FARS2: variants seen among roughly 807,000 people sequenced by gnomAD.
FARS2 encodes phenylalanine--tRNA ligase, mitochondrial.
In FARS2, 40 loss-of-function variants were observed where a neutral mutation model predicts 46.4. The ratio of observed to expected loss-of-function variants is 0.86; its 90% CI spans 0.67 to 1.12. The LOEUF (loss-of-function observed/expected upper bound fraction) is 1.12. Among genes scored for constraint, FARS2 ranks in the 50% most tolerant of loss-of-function variants. The probability of loss-of-function intolerance (pLI) is 0.00; values close to 1 mark genes in which losing one functional copy is unlikely to be tolerated. For synonymous variants in FARS2, 234 were observed against 214.9 expected (o/e 1.09, Z -0.78); for missense variants, 513 against 567.9 (o/e 0.90, Z 0.98).
At chr6:5,473,353 C>T (rs1184780141) in intron 4 of FARS2, among the ~76,000 whole-genome samples, 6 of 151,976 alleles carry the variant, frequency 3.9e-5, no homozygotes, top group Middle Eastern at 3.4e-3. Context: ...AGCGAAACCC[C>T]GTCTCTACTA....
chr6:5,751,807 C>T (rs1582880451), intron 6 of FARS2, among the ~76,000 whole-genome samples: 1 of 152,252 alleles, frequency 6.6e-6, no homozygotes, highest in South Asian at 2.1e-4. Context: ...AAAGGACTCT[C>T]AGTTTCTTCC....
chr6:5,596,966 C>T (rs1774236413), intron 5 of FARS2, among the ~76,000 whole-genome samples: 1 of 152,166 alleles, frequency 6.6e-6, no homozygotes, highest in African/African-American at 2.4e-5. Context: ...CTCGTGACAC[C>T]CTGTGGGATA....
At chr6:5,688,613 T>C (rs1294967918) in intron 6 of FARS2, among the ~76,000 whole-genome samples, 5 of 152,256 alleles carry the variant, frequency 3.3e-5, no homozygotes, top group South Asian at 2.1e-4. Context: ...CAGTATATTA[T>C]TGAGGATTTT....
At chr6:5,460,345 GCTTCCTGTGT>G (rs554245915) in intron 4 of FARS2, among the ~76,000 whole-genome samples, 245 of 152,312 alleles carry the variant, frequency 1.6e-3, no homozygotes, top group Middle Eastern at 3.4e-3. Context: ...TAGGTATACT[GCTTCCTGTGT>G]CTTCCTGTGT....
At chr6:5,262,426 G>A (rs1472540061) in intron 1 of FARS2, among the ~76,000 whole-genome samples, 1 of 151,976 alleles carries the variant, frequency 6.6e-6, no homozygotes, top group African/African-American at 2.4e-5. Context: ...TTACAGGCGC[G>A]CGCTACCTCG....
intron 1 of FARS2, among the ~76,000 whole-genome samples, chr6:5,296,393 G>T (rs540019593): frequency 2.0e-5 from 3 of 152,006 alleles, no homozygotes; most frequent in Non-Finnish European, 4.4e-5. Context: ...CGCCCGCCTT[G>T]GCCTCCCAAA....
chr6:5,307,959 C>T (rs1423628913), intron 1 of FARS2, among the ~76,000 whole-genome samples: 1 of 151,904 alleles, frequency 6.6e-6, no homozygotes, highest in Non-Finnish European at 1.5e-5. Flanking sequence ...TTGTTTTTGA[C>T]CTTACTACTG....
At position 5,385,637 on chromosome 6, in the gene FARS2, G is replaced by T. The variant is rs142157982; in HGVS notation, c.612+16455G>T. 2.8e-3 allele frequency among the ~76,000 whole-genome samples: 432 copies of T among 152,220 alleles called. 2 individuals are homozygous for T. Among genetic ancestry groups the T allele is most frequent in the Middle Eastern group, 0.014 (4 of 294 alleles). ...GACGGGGTTTCACCATGTTGGCCAG[G>T]ATGGTCTTGGTCTCTTGACCTCGTG... On this transcript the variant is annotated intron_variant, in intron 2 of 6. Transcript: ENST00000274680.
At chr6:5,292,527 A>G (rs1181377767) in intron 1 of FARS2, among the ~76,000 whole-genome samples, 3 of 152,142 alleles carry the variant, frequency 2.0e-5, no homozygotes, top group Non-Finnish European at 4.4e-5. Flanking sequence ...AATTGAAGAG[A>G]AGGAAGACTA....
intron 4 of FARS2, among the ~76,000 whole-genome samples, chr6:5,453,780 A>G (rs2503838): frequency 6.6e-6 from 1 of 152,008 alleles, no homozygotes; most frequent in African/African-American, 2.4e-5. Context: ...TTTTTGAAGG[A>G]GCTCACAGTG....
chr6:5,362,927 CT>C (rs55686418), intron 1 of FARS2, among the ~76,000 whole-genome samples: 1,532 of 124,154 alleles, frequency 0.012, 17 homozygotes, highest in African/African-American at 0.042. Flanking sequence ...TTCTTTCTTT[CT>C]TTTTTTTTTT....
intron 1 of FARS2, among the ~76,000 whole-genome samples, chr6:5,302,394 CAG>C (rs1768380572): frequency 6.6e-6 from 1 of 152,092 alleles, no homozygotes; most frequent in Non-Finnish European, 1.5e-5. Flanking sequence ...TCCCTTGTGT[CAG>C]AGAGTCGCAA....
chr6:5,524,703 T>G (rs1312335073), intron 4 of FARS2, among the ~76,000 whole-genome samples: 1 of 152,200 alleles, frequency 6.6e-6, no homozygotes, highest in Non-Finnish European at 1.5e-5. Flanking sequence ...GCTTTACACA[T>G]GGCGAAGTTG....
At chr6:5,717,929 T>TAGAGAG (rs372348270) in intron 6 of FARS2, among the ~76,000 whole-genome samples, 1 of 105,034 alleles carries the variant, frequency 9.5e-6, no homozygotes, top group Non-Finnish European at 1.8e-5. Flanking sequence ...TATATATATA[T>TAGAGAG]ATATATACAG....
chr6:5,465,653 A>G (rs1246897399), intron 4 of FARS2, among the ~76,000 whole-genome samples: 1 of 152,172 alleles, frequency 6.6e-6, no homozygotes, highest in Non-Finnish European at 1.5e-5. Context: ...ATGTCTCTCT[A>G]AGTACTCCTG....
intron 4 of FARS2, among the ~76,000 whole-genome samples, chr6:5,519,233 T>C (rs1045620245): frequency 6.6e-6 from 1 of 152,158 alleles, no homozygotes; most frequent in South Asian, 2.1e-4. Flanking sequence ...AAACTTGCTG[T>C]AAGATAGATT....
At chr6:5,275,430 A>T (rs1245193633) in intron 1 of FARS2, among the ~76,000 whole-genome samples, 12 of 152,112 alleles carry the variant, frequency 7.9e-5, no homozygotes, top group African/African-American at 2.9e-4. Flanking sequence ...AGATCTACAT[A>T]ATAGAAGGTT....
chr6:5,374,158 T>A (rs191544413), intron 2 of FARS2, among the ~76,000 whole-genome samples: 144 of 152,296 alleles, frequency 9.5e-4, no homozygotes, highest in East Asian at 4.8e-3. Flanking sequence ...TGTAAGAGGA[T>A]TAATAATTGT....
chr6:5,767,450 G>T (rs1168144664), intron 6 of FARS2, among the ~76,000 whole-genome samples: 2 of 152,154 alleles, frequency 1.3e-5, no homozygotes, highest in Non-Finnish European at 1.5e-5. Context: ...TTCAACACAT[G>T]CTATCAATTC....
Sources: gnomAD v4.1 joint callset for allele counts (sites outside exome capture counted in the v4.1 genomes callset) on GRCh38, gnomAD v4.1.1 for gene constraint, MANE v1.5 for transcripts, NCBI Gene and HGNC (gene_info 2026-07-23, HGNC 2026-07-21) for gene names.